Variants in C12orf50 observed in about 807,000 individuals in gnomAD.
The protein encoded by C12orf50 is uncharacterized protein C12orf50.
C12orf50 carries 35 observed loss-of-function variants against 61.6 expected under a neutral mutation model. That is an observed-to-expected ratio of 0.57 (90% CI 0.43 to 0.75). C12orf50 has a LOEUF of 0.75. Among genes scored for constraint, C12orf50 ranks in the 30% least tolerant of loss-of-function variants. The pLI is 0.00. For missense variants in C12orf50, 475 were observed against 488.5 expected (o/e 0.97, Z 0.26); for synonymous variants, 178 against 161.5 (o/e 1.10, Z -0.77).
At position 88,002,184 on chromosome 12, in the gene C12orf50, C is replaced by T. The variant is rs377499825; in HGVS notation, c.134-3994G>A. ...ACTTCATGTCATGAGTTTTGGTATG[C>T]TATGTTTTACTTTTACTAAACACAA... On this transcript the variant is annotated intron_variant, in intron 3 of 12. Transcript: ENST00000298699. Among the ~76,000 whole-genome samples, 216 of 151,798 alleles carry T rather than the reference C, an allele frequency of 1.4e-3. 2 individuals carry two copies. In the South Asian group the frequency reaches 0.04, roughly 28 times the overall value.
chr12:88,010,261 T>C (rs1029083438), intron 3 of C12orf50, among the ~76,000 whole-genome samples: 1 of 151,894 alleles, frequency 6.6e-6, no homozygotes, highest in Non-Finnish European at 1.5e-5. Context: ...GTTCTATTAT[T>C]TTGCTCTTCT....
intron 1 of C12orf50, among the ~76,000 whole-genome samples, chr12:88,028,393 A>T (rs189616323): frequency 6.6e-6 from 1 of 152,280 alleles, no homozygotes; most frequent in Admixed American, 6.5e-5. Context: ...TCACTGGATT[A>T]TTTCTTGCAT....
At chr12:88,022,157 T>G (rs1013888674) in intron 3 of C12orf50, among the ~76,000 whole-genome samples, 8 of 151,606 alleles carry the variant, frequency 5.3e-5, no homozygotes, top group Middle Eastern at 6.8e-3. Flanking sequence ...TGATCAAGTA[T>G]GCCATATCCT....
chr12:88,027,088 C>G lies in C12orf50; in HGVS notation c.-108-18G>C. ...TGGGAACCCTAAAAGAAAAAGTAAA[C>G]AGTGTAGAAAGCTCAATATGTTGAC... On this transcript the variant is annotated intron_variant, in intron 1 of 12. Coordinates refer to ENST00000298699, the MANE Select transcript of C12orf50 (RefSeq NM_152589.3). 1 of 1,590,400 alleles carries G rather than the reference C, an allele frequency of 6.3e-7. No homozygotes were observed. The highest frequency in any genetic ancestry group is 8.5e-7 in the Non-Finnish European group (1 of 1,171,870).
intron 3 of C12orf50, among the ~76,000 whole-genome samples, chr12:88,008,629 A>T (rs965785310): frequency 6.6e-6 from 1 of 152,088 alleles, no homozygotes; most frequent in Admixed American, 6.5e-5. Flanking sequence ...TTTTTTACCT[A>T]TTTAAAACTG....
intron 12 of C12orf50, among the ~76,000 whole-genome samples, chr12:87,981,233 C>T (rs1019855448): frequency 6.6e-5 from 10 of 152,094 alleles, no homozygotes; most frequent in African/African-American, 2.2e-4. Flanking sequence ...CCCCACCTCC[C>T]TGCTACTGAT....
intron 3 of C12orf50, among the ~76,000 whole-genome samples, chr12:88,004,954 G>A (rs114823551): frequency 0.023 from 3,522 of 152,042 alleles, 142 homozygotes; most frequent in African/African-American, 0.079. Flanking sequence ...CCTGGGTGAC[G>A]AAATAATATG....
Position 88,005,912 on chromosome 12 carries a change from G to GTTTT in C12orf50, c.134-7726_134-7723dup, listed in dbSNP as rs371924944. On this transcript the variant is annotated intron_variant, in intron 3 of 12. Transcript: ENST00000298699. ...AGGACTATGTTTTTTTGTTTTTTTG[G>GTTTT]TTTTTTTTTTTTTTTTTTTTTTGAG... is the stretch of plus-strand genomic sequence containing the variant. 8.9e-3 allele frequency among the ~76,000 whole-genome samples: 813 copies of GTTTT among 90,968 alleles called. 33 individuals carry two copies. The highest frequency in any genetic ancestry group is 0.033 in the African/African-American group (757 of 23,022). 59.7% of individuals were successfully genotyped at this position (90,968 alleles called of 152,430 possible).
chr12:87,998,006 A>G (rs1314821295), intron 4 of C12orf50, 29 bp downstream of exon 4: 2 of 1,581,452 alleles, frequency 1.3e-6, no homozygotes, highest in Non-Finnish European at 1.7e-6. Flanking sequence ...TTGAATGTGT[A>G]TTGTAAACCT....
intron 3 of C12orf50, among the ~76,000 whole-genome samples, chr12:88,016,189 C>T (rs1294736352): frequency 6.6e-6 from 1 of 152,044 alleles, no homozygotes; most frequent in African/African-American, 2.4e-5. Flanking sequence ...CTTATTTTAA[C>T]CTGAGACAAA....
At chr12:88,017,695 A>G (rs979827359) in intron 3 of C12orf50, among the ~76,000 whole-genome samples, 1 of 152,222 alleles carries the variant, frequency 6.6e-6, no homozygotes, top group Non-Finnish European at 1.5e-5. Context: ...AATGCTGATA[A>G]TGATATGGAC....
chr12:88,013,233 T>A lies in C12orf50; in HGVS notation c.133+13255A>T, dbSNP rs894705718. ...GGAAAAAAAATAAAACTAACAATTT[T>A]AAGGCTGCTCTACCCAACACTTGGT... On this transcript the variant is annotated intron_variant, in intron 3 of 12. Coordinates refer to ENST00000298699, the MANE Select transcript of C12orf50 (RefSeq NM_152589.3). 2.6e-5 allele frequency among the ~76,000 whole-genome samples: 4 copies of A among 152,252 alleles called. No individual in the cohort carries two copies. The South Asian group carries it at 8.3e-4, about 32-fold the overall frequency.
chr12:87,990,001 CTAA>C (rs2031041965), intron 7 of C12orf50, among the ~76,000 whole-genome samples: 1 of 152,074 alleles, frequency 6.6e-6, no homozygotes, highest in South Asian at 2.1e-4. Context: ...TATACTGCCT[CTAA>C]TAATCCAATG....
intron 3 of C12orf50, among the ~76,000 whole-genome samples, chr12:88,017,048 G>A (rs999914276): frequency 6.6e-6 from 1 of 152,196 alleles, no homozygotes; most frequent in African/African-American, 2.4e-5. Context: ...CCCTAAAGCA[G>A]GAACATGCTA....
chr12:88,024,668 G>C (rs7132274), intron 3 of C12orf50, among the ~76,000 whole-genome samples: 39,218 of 152,042 alleles, frequency 0.26, 10,143 homozygotes, highest in African/African-American at 0.67. Flanking sequence ...CTATCAGATA[G>C]TATGCTTATT....
intron 4 of C12orf50, among the ~76,000 whole-genome samples, 186 bp from the exon 5 acceptor site, chr12:87,996,832 G>T (rs1403607588): frequency 6.6e-6 from 1 of 152,144 alleles, no homozygotes; most frequent in Non-Finnish European, 1.5e-5. Context: ...TCAAAACAAT[G>T]TCAAGAGAAA....
At chr12:88,011,287 T>G (rs892577646) in intron 3 of C12orf50, among the ~76,000 whole-genome samples, 3 of 152,118 alleles carry the variant, frequency 2.0e-5, no homozygotes, top group African/African-American at 7.2e-5. Flanking sequence ...ACCCAAAGAT[T>G]AGCTCATCCC....
At chr12:88,019,664 T>A (rs1242924270) in intron 3 of C12orf50, among the ~76,000 whole-genome samples, 1 of 149,388 alleles carries the variant, frequency 6.7e-6, no homozygotes, top group Non-Finnish European at 1.5e-5. Context: ...TCTGCACATG[T>A]AAGAGATTGG....
Position 87,986,395 on chromosome 12 carries a change from T to C in C12orf50, c.839A>G (p.Lys280Arg). 1.2e-6 allele frequency: 2 copies of C among 1,609,240 alleles called. No individual in the cohort carries two copies. Among genetic ancestry groups the C allele is most frequent in the Non-Finnish European group, 1.7e-6 (2 of 1,178,414 alleles). ...CTTCACACCTTTAAAATGAGGCTTC[T>C]TCACTGGCTGGACATCATTCACTTA... ...PSSMNDVQPV[K>R]KPHFKGVKKR... Residue 280 changes from lysine to arginine, a missense_variant, in exon 10 of 13, where the codon AAG becomes AGG. Transcript: ENST00000298699.
Sources: gnomAD v4.1 joint callset for allele counts (sites outside exome capture counted in the v4.1 genomes callset) on GRCh38, gnomAD v4.1.1 for gene constraint, MANE v1.5 for transcripts, NCBI Gene and HGNC (gene_info 2026-07-23, HGNC 2026-07-21) for gene names.